Variants in ZNF595 observed in about 807,000 individuals in gnomAD.
ZNF595 encodes zinc finger protein 595.
A neutral mutation model predicts 19.4 loss-of-function variants in ZNF595; 9 were observed. The observed-to-expected ratio is 0.46, with a 90% CI of 0.28 to 0.81. The LOEUF is 0.81. Ranked by LOEUF, ZNF595 falls within the 30% of genes least tolerant of loss-of-function variation. The pLI, the probability that ZNF595 is intolerant of heterozygous loss-of-function variation, is 0.11. For missense variants in ZNF595, 729 were observed against 736.0 expected (o/e 0.99, Z 0.11); for synonymous variants, 255 against 255.9 (o/e 1.00, Z 0.03).
intron 3 of ZNF595, among the ~76,000 whole-genome samples, chr4:74,151 T>TA (rs200784387): frequency 0.016 from 2,373 of 151,516 alleles, 62 homozygotes; most frequent in African/African-American, 0.054. Flanking sequence ...CTACCAAAAA[T>TA]AAAAAAAAAT....
intron 3 of ZNF595, among the ~76,000 whole-genome samples, chr4:61,341 G>A (rs1362846902): frequency 3.3e-5 from 5 of 152,304 alleles, no homozygotes; most frequent in Admixed American, 6.5e-5. Flanking sequence ...TCACCATGTC[G>A]GCCAGGCAGG....
chr4:69,577 A>C (rs868990218), intron 3 of ZNF595, among the ~76,000 whole-genome samples: 1 of 152,162 alleles, frequency 6.6e-6, no homozygotes, highest in African/African-American at 2.4e-5. Context: ...TTGCACATTC[A>C]TAATCAGATT....
intron 3 of ZNF595, among the ~76,000 whole-genome samples, chr4:69,846 A>G (rs1553797621): frequency 6.6e-6 from 1 of 152,148 alleles, no homozygotes. Flanking sequence ...ATTTTTGCCC[A>G]GTTTAATTTC....
intron 3 of ZNF595, among the ~76,000 whole-genome samples, chr4:72,068 G>T (rs1248996394): frequency 2.6e-5 from 4 of 152,140 alleles, no homozygotes; most frequent in African/African-American, 4.8e-5. Flanking sequence ...ATTCCGGCCA[G>T]TACTGCCACT....
intron 3 of ZNF595, among the ~76,000 whole-genome samples, chr4:77,471 C>T (rs962061419): frequency 6.6e-6 from 1 of 152,044 alleles, no homozygotes; most frequent in Non-Finnish European, 1.5e-5. Flanking sequence ...TTTGCCTGAT[C>T]CTTTATTATC....
At chr4:69,351 A>G (rs1200270610) in intron 3 of ZNF595, among the ~76,000 whole-genome samples, 5 of 152,200 alleles carry the variant, frequency 3.3e-5, no homozygotes, top group Non-Finnish European at 7.3e-5. Flanking sequence ...ACTAATTTAC[A>G]TTCACACCAA....
In ZNF595 at chr4:86,016, A is replaced by C; in HGVS notation, c.512A>C (p.Lys171Thr). 6.2e-7 allele frequency: 1 copy of C among 1,608,990 alleles called. No individual in the cohort carries two copies. The highest frequency in any genetic ancestry group is 8.5e-7 in the Non-Finnish European group (1 of 1,177,036). ...NKHKIRHTGE[K>T]PFKCTECGRS... is the part of the protein sequence containing the mutation. ...CATAAGATAAGACATACTGGAGAGA[A>C]ACCCTTTAAATGTACAGAATGTGGC... is the stretch of plus-strand genomic sequence containing the variant. The change falls in exon 4 of 4, where the codon AAA (lysine) becomes ACA (threonine). Residue 171 changes from lysine (K) to threonine (T), a missense_variant. Around this residue, in one of 2 missense-constraint regions of ZNF595, gnomAD observed 729 missense variants for 675.3 expected, o/e 1.08. Coordinates refer to ENST00000610261, the MANE Select transcript of ZNF595 (RefSeq NM_182524.4).
intron 3 of ZNF595, among the ~76,000 whole-genome samples, chr4:81,637 T>C (rs1171566129): frequency 6.6e-6 from 1 of 152,242 alleles, no homozygotes; most frequent in Non-Finnish European, 1.5e-5. Flanking sequence ...ACTGTATCTC[T>C]AGCATATGTT....
At chr4:73,925 G>A (rs376560610) in intron 3 of ZNF595, among the ~76,000 whole-genome samples, 60 of 152,188 alleles carry the variant, frequency 3.9e-4, no homozygotes, top group East Asian at 2.3e-3. Flanking sequence ...TGTGCTGACC[G>A]TGGTGTTGTC....
Position 86,213 on chromosome 4 carries a change from T to C in ZNF595, c.709T>C (p.Phe237Leu). Reference sequence around the variant, plus strand: ...CACATGTGAAGAATGTGGCAAAGCCTTTAGACGGTCCACAGTTCTGAACGA... The same window carrying C: ...CACATGTGAAGAATGTGGCAAAGCCCTTAGACGGTCCACAGTTCTGAACGA... Reference protein sequence around the residue: ...PYTCEECGKAFRRSTVLNEHK... With the variant: ...PYTCEECGKALRRSTVLNEHK... The change falls in exon 4 of 4, where the codon TTT (phenylalanine) becomes CTT (leucine). Residue 237 changes from phenylalanine to leucine, a missense_variant. Physicochemically the swap from Phe to Leu is conservative, Grantham distance 22. Coordinates refer to ENST00000610261, the MANE Select transcript of ZNF595 (RefSeq NM_182524.4). 6.2e-7 allele frequency: 1 copy of C among 1,613,854 alleles called. No homozygotes were observed. The highest frequency in any genetic ancestry group is 1.3e-5 in the African/African-American group (1 of 75,010).
Position 86,820 on chromosome 4 carries a change from T to C in ZNF595, c.1316T>C (p.Leu439Pro), listed in dbSNP as rs1301483967. The change falls in exon 4 of 4, where the codon CTT (leucine) becomes CCT (proline). Residue 439 changes from leucine (L) to proline (P), a missense_variant. Leu to Pro is a moderately conservative substitution (Grantham distance 98). Around this residue, in one of 2 missense-constraint regions of ZNF595, gnomAD observed 729 missense variants for 675.3 expected, o/e 1.08. Coordinates refer to ENST00000610261, the MANE Select transcript of ZNF595 (RefSeq NM_182524.4). ...CGKAFNQSST[L>P]ILHKRIHSGQ... Reference sequence around the variant, plus strand: ...AAAGCTTTTAACCAATCCTCAACTCTTATATTACACAAGAGAATCCATTCT... The same window carrying C: ...AAAGCTTTTAACCAATCCTCAACTCCTATATTACACAAGAGAATCCATTCT... 15 of 1,613,652 alleles carry C rather than the reference T, an allele frequency of 9.3e-6. No individual in the cohort carries two copies. Among genetic ancestry groups the C allele is most frequent in the African/African-American group, 1.3e-5 (1 of 74,844 alleles).
chr4:72,869 CT>C lies in ZNF595; in HGVS notation c.226+12717del, dbSNP rs531487740. Among the ~76,000 whole-genome samples, 32 of 152,272 alleles carry C rather than the reference CT, an allele frequency of 2.1e-4. No individual in the cohort carries two copies. The East Asian group carries it at 5.2e-3, about 25-fold the overall frequency. On this transcript the variant is annotated intron_variant, in intron 3 of 3. Transcript: ENST00000610261. ...CTGCAGGGTAAGGCCAATCTTGACA[CT>C]GTCAAAGGATGTAATCAGTAGCCCA...
chr4:80,091 C>T (rs1168344189), intron 3 of ZNF595, among the ~76,000 whole-genome samples: 4 of 152,132 alleles, frequency 2.6e-5, no homozygotes, highest in Admixed American at 1.3e-4. Context: ...GGCATGATCT[C>T]AGCTCACTGC....
chr4:70,325 T>C (rs181647536), intron 3 of ZNF595, among the ~76,000 whole-genome samples: 292 of 151,942 alleles, frequency 1.9e-3, no homozygotes, highest in African/African-American at 6.9e-3. Context: ...TTGTAGCACT[T>C]TCCCCGATAA....
At chr4:75,584 T>C (rs1713622900) in intron 3 of ZNF595, among the ~76,000 whole-genome samples, 1 of 152,228 alleles carries the variant, frequency 6.6e-6, no homozygotes, top group Admixed American at 6.5e-5. Context: ...CAATGTGTTT[T>C]CATTGGATAA....
rs1553801791 is a variant in ZNF595 at position 86,821 on chromosome 4, T to C, written c.1317T>C (p.Leu439=). The C allele has an allele frequency of 1.2e-6, 2 of 1,613,402 alleles. No individual in the cohort carries two copies. The highest frequency in any genetic ancestry group is 2.2e-5 in the South Asian group (2 of 91,048). Reference sequence around the variant, plus strand: ...AAGCTTTTAACCAATCCTCAACTCTTATATTACACAAGAGAATCCATTCTG... The same window carrying C: ...AAGCTTTTAACCAATCCTCAACTCTCATATTACACAAGAGAATCCATTCTG... The part of the protein sequence containing the change: ...CGKAFNQSST[L]ILHKRIHSGQ... The change falls in exon 4 of 4, where the codon CTT becomes CTC. Residue 439 remains leucine (L), a synonymous_variant. Transcript: ENST00000610261.
chr4:79,407 A>C (rs1482497794), intron 3 of ZNF595, among the ~76,000 whole-genome samples: 1 of 152,226 alleles, frequency 6.6e-6, no homozygotes, highest in Non-Finnish European at 1.5e-5. Context: ...ATGAACATGC[A>C]TGTGTAAATA....
intron 3 of ZNF595, among the ~76,000 whole-genome samples, chr4:68,898 C>T (rs1359021997): frequency 4.6e-5 from 7 of 152,206 alleles, no homozygotes; most frequent in Non-Finnish European, 8.8e-5. Flanking sequence ...TTCCCCTGAA[C>T]CCCTCACTAT....
At chr4:66,173 A>G (rs1415403848) in intron 3 of ZNF595, among the ~76,000 whole-genome samples, 1 of 149,074 alleles carries the variant, frequency 6.7e-6, no homozygotes. Context: ...AATATATATT[A>G]TTTTTTGTTT....
Sources: allele counts gnomAD v4.1 joint callset (sites outside exome capture counted in the v4.1 genomes callset), GRCh38; gene constraint gnomAD v4.1.1; regional missense constraint gnomAD v4.1.1; transcripts MANE v1.5; gene names NCBI Gene and HGNC (gene_info 2026-07-23, HGNC 2026-07-21).